Variants in DOK5 observed in about 807,000 individuals in gnomAD.
The protein encoded by DOK5 is downstream of tyrosine kinase 5.
In DOK5, 27 loss-of-function variants were observed where a neutral mutation model predicts 43.3. That is an observed-to-expected ratio of 0.62 (90% CI 0.46 to 0.86). DOK5 has a LOEUF of 0.86. DOK5 is among the 40% of genes least tolerant of loss of function. DOK5 has a pLI of 0.00. For missense variants in DOK5, 373 were observed against 392.9 expected, an observed-to-expected ratio of 0.95 and a Z score of 0.43; for synonymous variants, 146 against 140.1, an observed-to-expected ratio of 1.04 and a Z score of -0.30.
At chr20:54,647,124 A>G (rs1979469489) in intron 7 of DOK5, among the ~76,000 whole-genome samples, 1 of 152,126 alleles carries the variant, frequency 6.6e-6, no homozygotes, top group Admixed American at 6.5e-5. Flanking sequence ...ATCTACCTTC[A>G]CTGCTTCTCC....
chr20:54,583,636 C>T (rs1013158454), intron 2 of DOK5, among the ~76,000 whole-genome samples: 17 of 151,654 alleles, frequency 1.1e-4, no homozygotes, highest in South Asian at 2.1e-4. Context: ...TTATAGTGTC[C>T]TTCTTTGTCT....
intron 1 of DOK5, among the ~76,000 whole-genome samples, chr20:54,519,560 A>G (rs1983319260): frequency 6.6e-6 from 1 of 152,222 alleles, no homozygotes; most frequent in South Asian, 2.1e-4. Context: ...AATAGCAAAA[A>G]TAGTTTCATC....
At position 54,499,130 on chromosome 20, in the gene DOK5, G is replaced by A. The variant is rs144124709; in HGVS notation, c.66+23118G>A. ...GAGATGAACCTAGAATTTGAACTTGGGAATGTTTAATTAATTCTTAATTTA... is the reference window on the plus strand; with the variant it reads ...GAGATGAACCTAGAATTTGAACTTGAGAATGTTTAATTAATTCTTAATTTA... On this transcript the variant is annotated intron_variant, in intron 1 of 7. Coordinates refer to ENST00000262593, the MANE Select transcript of DOK5 (RefSeq NM_018431.5). Among the ~76,000 whole-genome samples the A allele has an allele frequency of 4.5e-3, 692 of 152,150 alleles. 4 individuals carry two copies. Among genetic ancestry groups the A allele is most frequent in the African/African-American group, 0.016 (674 of 41,492 alleles).
chr20:54,479,990 G>A lies in DOK5; in HGVS notation c.66+3978G>A, dbSNP rs80054312. Reference sequence around the variant, plus strand: ...GTCACCTCACGCTATCCACTGCTACGACCCTGGTCCGAACCCTCCTCATCT... The same window carrying A: ...GTCACCTCACGCTATCCACTGCTACAACCCTGGTCCGAACCCTCCTCATCT... On this transcript the variant is annotated intron_variant, in intron 1 of 7. Coordinates refer to ENST00000262593, the MANE Select transcript of DOK5 (RefSeq NM_018431.5). Among the ~76,000 whole-genome samples the A allele has an allele frequency of 6.1e-3, 924 of 152,042 alleles. 36 individuals are homozygous for A. The East Asian group carries it at 0.11, about 17-fold the overall frequency.
At chr20:54,632,054 C>T (rs1978598470) in intron 6 of DOK5, among the ~76,000 whole-genome samples, 1 of 152,206 alleles carries the variant, frequency 6.6e-6, no homozygotes. Flanking sequence ...CTTTTTGGTG[C>T]CAGGCAAAAT....
intron 1 of DOK5, among the ~76,000 whole-genome samples, chr20:54,532,173 G>A (rs1424390990): frequency 6.6e-6 from 1 of 152,128 alleles, no homozygotes; most frequent in East Asian, 1.9e-4. Flanking sequence ...TGATTTAAAT[G>A]TAGTAACTCA....
intron 1 of DOK5, among the ~76,000 whole-genome samples, chr20:54,500,188 G>A (rs1982543506): frequency 6.6e-6 from 1 of 152,122 alleles, no homozygotes; most frequent in Admixed American, 6.5e-5. Flanking sequence ...GGAAGAAGAT[G>A]CAGCAGGGGT....
chr20:54,494,043 CT>C (rs1982296567), intron 1 of DOK5, among the ~76,000 whole-genome samples: 1 of 152,166 alleles, frequency 6.6e-6, no homozygotes, highest in South Asian at 2.1e-4. Flanking sequence ...TTTAAAAATA[CT>C]TGTTTTGAGA....
At chr20:54,522,867 C>T (rs1393137600) in intron 1 of DOK5, among the ~76,000 whole-genome samples, 1 of 152,078 alleles carries the variant, frequency 6.6e-6, no homozygotes, top group Non-Finnish European at 1.5e-5. Context: ...TTTCATGATA[C>T]TTTGTTTTAC....
chr20:54,511,346 T>C (rs761163015), intron 1 of DOK5, among the ~76,000 whole-genome samples: 1 of 152,204 alleles, frequency 6.6e-6, no homozygotes, highest in Non-Finnish European at 1.5e-5. Flanking sequence ...AATAGGTACT[T>C]AGGTTTAGGA....
intron 2 of DOK5, among the ~76,000 whole-genome samples, chr20:54,587,495 G>A (rs923877695): frequency 6.6e-6 from 1 of 152,156 alleles, no homozygotes; most frequent in African/African-American, 2.4e-5. Flanking sequence ...GCACAAAAGA[G>A]ATATATGAAA....
chr20:54,598,680 T>A (rs1986216593), intron 5 of DOK5, among the ~76,000 whole-genome samples: 1 of 152,228 alleles, frequency 6.6e-6, no homozygotes, highest in South Asian at 2.1e-4. Context: ...ATGAGTGCCT[T>A]TCTTTACCAG....
In DOK5 at chr20:54,591,902, T is replaced by C. The variant is rs531422750; in HGVS notation, c.599+97T>C. ...TCATATGAGGCGGTAGGTTTACATA[T>C]GAGATCCAGCTGAAGTACACTTGAG... On this transcript the variant is annotated intron_variant, in intron 5 of 7. Transcript: ENST00000262593. 9 of 1,078,438 alleles carry C rather than the reference T, an allele frequency of 8.3e-6. No individual in the cohort carries two copies. The Admixed American group carries it at 1.8e-4, about 21-fold the overall frequency. The allele number at this position is 1,078,438 out of a possible 1,614,324, so 66.8% of individuals were successfully genotyped here. A position where few individuals can be genotyped will look rare whatever the true frequency, so the allele number is the denominator to read the frequency against.
intron 6 of DOK5, among the ~76,000 whole-genome samples, chr20:54,611,862 G>T (rs1252627875): frequency 6.6e-6 from 1 of 152,202 alleles, no homozygotes; most frequent in Admixed American, 6.5e-5. Flanking sequence ...ACAGCCCCGG[G>T]TTATTCCCAA....
chr20:54,556,676 C>T (rs916944632), intron 2 of DOK5, among the ~76,000 whole-genome samples: 3 of 152,204 alleles, frequency 2.0e-5, no homozygotes, highest in Non-Finnish European at 4.4e-5. Context: ...GGCTTATCAT[C>T]TAGACACAGA....
intron 1 of DOK5, among the ~76,000 whole-genome samples, chr20:54,503,954 GC>G (rs1374801694): frequency 6.6e-6 from 1 of 152,226 alleles, no homozygotes; most frequent in Non-Finnish European, 1.5e-5. Flanking sequence ...CTAAGCAGGT[GC>G]TTGGCCGAGG....
chr20:54,607,723 A>G (rs963425453), intron 5 of DOK5, among the ~76,000 whole-genome samples: 4 of 152,010 alleles, frequency 2.6e-5, no homozygotes, highest in African/African-American at 9.7e-5. Flanking sequence ...CCTCTACTAA[A>G]AATACAAAAA....
chr20:54,497,890 T>G lies in DOK5; in HGVS notation c.66+21878T>G, dbSNP rs187312867. 9.5e-4 allele frequency among the ~76,000 whole-genome samples: 145 copies of G among 152,318 alleles called. 1 individual carries two copies. Among genetic ancestry groups the G allele is most frequent in the South Asian group, 7.9e-3 (38 of 4,824 alleles). On this transcript the variant is annotated intron_variant, in intron 1 of 7. Coordinates refer to ENST00000262593, the MANE Select transcript of DOK5 (RefSeq NM_018431.5). The stretch of plus-strand genomic sequence containing the variant: ...TACATTCTTACCTTTTGTAATACAA[T>G]GAAAACAATATTATGACCCTAATTG...
At chr20:54,615,806 C>G (rs1986789463) in intron 6 of DOK5, among the ~76,000 whole-genome samples, 1 of 151,650 alleles carries the variant, frequency 6.6e-6, no homozygotes. Flanking sequence ...GCTACTGAGG[C>G]AGGAGAATTG....
Sources: gnomAD v4.1 joint callset for allele counts (sites outside exome capture counted in the v4.1 genomes callset) on GRCh38, gnomAD v4.1.1 for gene constraint, MANE v1.5 for transcripts, NCBI Gene and HGNC (gene_info 2026-07-23, HGNC 2026-07-21) for gene names.